NKAIN3: variants seen among roughly 807,000 people sequenced by gnomAD.
The protein encoded by NKAIN3 is sodium/potassium-transporting ATPase subunit beta-1-interacting protein 3.
Under a neutral mutation model 30.2 loss-of-function variants are expected in NKAIN3, and 25 were observed. That is an observed-to-expected ratio of 0.83 (90% CI 0.60 to 1.16). The LOEUF (loss-of-function observed/expected upper bound fraction) is 1.16. NKAIN3 is among the 50% of genes most tolerant of loss of function. The pLI is 0.00. For missense variants in NKAIN3, 225 were observed against 254.1 expected (o/e 0.89, Z 0.78); for synonymous variants, 91 against 89.6 (o/e 1.02, Z -0.09).
At chr8:62,794,690 C>G (rs561439986) in intron 4 of NKAIN3, among the ~76,000 whole-genome samples, 4 of 152,274 alleles carry the variant, frequency 2.6e-5, no homozygotes, top group Non-Finnish European at 5.9e-5. Context: ...GAGAGCATTA[C>G]AAATAATGTC....
chr8:62,863,871 C>A, intron 4 of NKAIN3: 4 of 1,505,226 alleles, frequency 2.7e-6, no homozygotes, highest in Non-Finnish European at 9.2e-7. Flanking sequence ...TTGCAGTAGT[C>A]CGCAGGGTCC....
intron 1 of NKAIN3, among the ~76,000 whole-genome samples, chr8:62,436,299 A>C (rs1805172600): frequency 6.6e-6 from 1 of 152,170 alleles, no homozygotes; most frequent in Non-Finnish European, 1.5e-5. Flanking sequence ...ACTGTTTTCT[A>C]ATTAAGGTAA....
In NKAIN3 at chr8:62,975,995, G is replaced by A. The variant is rs1024183744; in HGVS notation, c.*10588G>A. Among the ~76,000 whole-genome samples the A allele has an allele frequency of 6.6e-6, 1 of 152,196 alleles. No homozygotes were observed. Among genetic ancestry groups the A allele is most frequent in the South Asian group, 2.1e-4 (1 of 4,830 alleles). On this transcript the variant is annotated 3_prime_UTR_variant, in exon 7 of 7. Coordinates refer to ENST00000623646, the MANE Select transcript of NKAIN3 (RefSeq NM_001304533.3). ...AGTTTCCATGTAGTTGTGTGGTTTTGAGTGAGTTTCTTAATCCTGAGTTCT... is the reference window on the plus strand; with the variant it reads ...AGTTTCCATGTAGTTGTGTGGTTTTAAGTGAGTTTCTTAATCCTGAGTTCT...
intron 1 of NKAIN3, among the ~76,000 whole-genome samples, chr8:62,301,789 A>G (rs1585654176): frequency 6.6e-6 from 1 of 152,176 alleles, no homozygotes; most frequent in Middle Eastern, 3.4e-3. Context: ...AGTTTTTCCA[A>G]TTTGAATCAG....
At chr8:62,515,583 T>C (rs947768840) in intron 1 of NKAIN3, among the ~76,000 whole-genome samples, 9 of 152,082 alleles carry the variant, frequency 5.9e-5, no homozygotes, top group African/African-American at 4.8e-5. Flanking sequence ...AAGAGAGAAA[T>C]GTGTTTAGTA....
At chr8:62,642,196 T>C (rs1812331181) in intron 3 of NKAIN3, among the ~76,000 whole-genome samples, 1 of 152,164 alleles carries the variant, frequency 6.6e-6, no homozygotes, top group African/African-American at 2.4e-5. Context: ...AAACCCATTA[T>C]TGAAATAGAA....
chr8:62,937,097 G>A (rs974198140), intron 5 of NKAIN3, among the ~76,000 whole-genome samples: 3 of 151,522 alleles, frequency 2.0e-5, no homozygotes, highest in African/African-American at 7.3e-5. Context: ...TCCTCCATAT[G>A]TGTATTCAGT....
rs1732270009 is a variant in NKAIN3 at position 62,643,081 on chromosome 8, C to A, written c.273+53287C>A. ...TGCTAAAAGAATCCTTTGATAGCATCTTTTTTTGGCCTTTCTTTAAGATAA... is the reference window on the plus strand; with the variant it reads ...TGCTAAAAGAATCCTTTGATAGCATATTTTTTTGGCCTTTCTTTAAGATAA... On this transcript the variant is annotated intron_variant, in intron 3 of 6. Transcript: ENST00000623646. Among the ~76,000 whole-genome samples the A allele has an allele frequency of 2.6e-5, 4 of 151,958 alleles. No individual in the cohort carries two copies. In the South Asian group the frequency reaches 8.3e-4, roughly 31 times the overall value.
chr8:62,667,199 A>G, intron 3 of NKAIN3, among the ~76,000 whole-genome samples: 1 of 150,384 alleles, frequency 6.6e-6, no homozygotes, highest in Non-Finnish European at 1.5e-5. Context: ...CCAAATGTAA[A>G]TGACGAGTTG....
At chr8:62,470,073 C>G (rs1355361316) in intron 1 of NKAIN3, among the ~76,000 whole-genome samples, 1 of 152,180 alleles carries the variant, frequency 6.6e-6, no homozygotes, top group Non-Finnish European at 1.5e-5. Context: ...GCTACCATTA[C>G]CTTATCAGAC....
chr8:62,670,256 A>G (rs2130384845), intron 3 of NKAIN3, among the ~76,000 whole-genome samples: 1 of 152,244 alleles, frequency 6.6e-6, no homozygotes, highest in Admixed American at 6.5e-5. Flanking sequence ...GGCTCAATGT[A>G]TTTAAATGAG....
At chr8:62,318,900 A>G (rs539987924) in intron 1 of NKAIN3, among the ~76,000 whole-genome samples, 8 of 152,196 alleles carry the variant, frequency 5.3e-5, no homozygotes, top group African/African-American at 1.9e-4. Context: ...ATAGTTTCAG[A>G]GGGAATGGTA....
chr8:62,639,753 C>A (rs1281578072), intron 3 of NKAIN3, among the ~76,000 whole-genome samples: 1 of 151,990 alleles, frequency 6.6e-6, no homozygotes, highest in East Asian at 1.9e-4. Flanking sequence ...GATGTGGGTG[C>A]AGAGAGTATA....
At chr8:62,624,682 C>T (rs1456288526) in intron 3 of NKAIN3, among the ~76,000 whole-genome samples, 1 of 151,644 alleles carries the variant, frequency 6.6e-6, no homozygotes, top group African/African-American at 2.4e-5. Flanking sequence ...ATTGTTGCTT[C>T]AAATATTGCT....
intron 4 of NKAIN3, among the ~76,000 whole-genome samples, chr8:62,902,596 C>T (rs1305972641): frequency 6.6e-6 from 1 of 152,184 alleles, no homozygotes; most frequent in Non-Finnish European, 1.5e-5. Flanking sequence ...AGACAAAAAC[C>T]ACTCTCTATC....
chr8:62,695,047 A>G (rs970261060), intron 3 of NKAIN3, among the ~76,000 whole-genome samples: 4 of 152,170 alleles, frequency 2.6e-5, no homozygotes, highest in Non-Finnish European at 5.9e-5. Context: ...ATCTATCCCT[A>G]TGCGGATTTC....
chr8:62,870,544 ATATATATAC>A lies in NKAIN3; in HGVS notation c.472-47890_472-47882del, dbSNP rs1266019987. Among the ~76,000 whole-genome samples, 16 of 134,176 alleles carry A rather than the reference ATATATATAC, an allele frequency of 1.2e-4. 1 individual carries two copies. The highest frequency in any genetic ancestry group is 1.1e-3 in the South Asian group (5 of 4,410). The allele number at this position is 134,176 out of a possible 152,430, so 88.0% of individuals were successfully genotyped here. A position where few individuals can be genotyped will look rare whatever the true frequency, so the allele number is the denominator to read the frequency against. On this transcript the variant is annotated intron_variant, in intron 4 of 6. Transcript: ENST00000623646. ...ATATGTATATATGTACAATATGTAC[ATATATATAC>A]TATATATACTATATATACACCATAT...
intron 1 of NKAIN3, among the ~76,000 whole-genome samples, chr8:62,311,155 A>C (rs1454803507): frequency 6.6e-6 from 1 of 150,722 alleles, no homozygotes; most frequent in Admixed American, 6.6e-5. Context: ...AAAACAAAAA[A>C]ATGGAAAAGT....
At chr8:62,474,290 A>T (rs1291611401) in intron 1 of NKAIN3, 1 of 152,244 alleles carries the variant, frequency 6.6e-6, no homozygotes, top group Non-Finnish European at 1.5e-5. Context: ...CACCAGAGGG[A>T]CAAACTCTTG....
Sources: allele counts gnomAD v4.1 joint callset (sites outside exome capture counted in the v4.1 genomes callset), GRCh38; gene constraint gnomAD v4.1.1; transcripts MANE v1.5; gene names NCBI Gene and HGNC (gene_info 2026-07-23, HGNC 2026-07-21).